CYRIA: variants seen among roughly 807,000 people sequenced by gnomAD.
The protein encoded by CYRIA is CYFIP related Rac1 interactor A, also known as CYFIP-related Rac1 interactor A.
CYRIA carries 15 observed loss-of-function variants against 43.9 expected under a neutral mutation model. The ratio of observed to expected loss-of-function variants is 0.34; its 90% CI spans 0.23 to 0.53. CYRIA has a LOEUF of 0.53. Among genes scored for constraint, CYRIA ranks in the 20% least tolerant of loss-of-function variants. The pLI, the probability that CYRIA is intolerant of heterozygous loss-of-function variation, is 0.94. For missense variants in CYRIA, 236 were observed against 394.2 expected (o/e 0.60, Z 3.40); for synonymous variants, 117 against 136.0 (o/e 0.86, Z 0.97).
chr2:16,600,597 G>A (rs1163302161), intron 2 of CYRIA, among the ~76,000 whole-genome samples: 1 of 152,118 alleles, frequency 6.6e-6, no homozygotes, highest in Non-Finnish European at 1.5e-5. Flanking sequence ...TCACATTCCT[G>A]ATAAATCATA....
intron 2 of CYRIA, among the ~76,000 whole-genome samples, chr2:16,605,403 G>C (rs1036028185): frequency 1.3e-5 from 2 of 152,242 alleles, no homozygotes; most frequent in Non-Finnish European, 2.9e-5. Context: ...CCAGGCCACC[G>C]CTGGGAAGTC....
At chr2:16,574,332 CAG>C (rs1236424083) in intron 3 of CYRIA, among the ~76,000 whole-genome samples, 3 of 152,138 alleles carry the variant, frequency 2.0e-5, no homozygotes, top group African/African-American at 7.2e-5. Flanking sequence ...AAATGGAAAA[CAG>C]AGCATAAAAG....
intron 3 of CYRIA, among the ~76,000 whole-genome samples, chr2:16,566,060 A>T (rs1372755986): frequency 6.6e-6 from 1 of 152,210 alleles, no homozygotes; most frequent in African/African-American, 2.4e-5. Context: ...CTGCTACGTA[A>T]AACAGGGCAC....
At chr2:16,580,893 T>C (rs1461592853) in intron 3 of CYRIA, among the ~76,000 whole-genome samples, 2 of 152,170 alleles carry the variant, frequency 1.3e-5, no homozygotes, top group Admixed American at 6.5e-5. Flanking sequence ...TACTACAATA[T>C]TATGGACTAT....
chr2:16,602,552 G>A (rs1228976813), intron 2 of CYRIA, among the ~76,000 whole-genome samples: 1 of 152,132 alleles, frequency 6.6e-6, no homozygotes, highest in Non-Finnish European at 1.5e-5. Context: ...TCCATGACCA[G>A]GTATAGTAAG....
At chr2:16,624,605 G>GTC (rs374696147) in intron 1 of CYRIA, among the ~76,000 whole-genome samples, 21 of 149,924 alleles carry the variant, frequency 1.4e-4, no homozygotes, top group South Asian at 1.0e-3. Flanking sequence ...GTGGGCCCAG[G>GTC]TCTCTCTCTC....
intron 1 of CYRIA, among the ~76,000 whole-genome samples, chr2:16,661,883 T>C (rs2103560624): frequency 6.6e-6 from 1 of 152,280 alleles, no homozygotes; most frequent in South Asian, 2.1e-4. Flanking sequence ...ATGGGGACAA[T>C]AATACTAATG....
intron 2 of CYRIA, among the ~76,000 whole-genome samples, chr2:16,611,833 G>C (rs1369440541): frequency 1.3e-5 from 2 of 152,194 alleles, no homozygotes; most frequent in African/African-American, 4.8e-5. Flanking sequence ...AGCTGTCACA[G>C]GGTTGGCTTT....
At chr2:16,568,227 G>GA (rs71400699) in intron 3 of CYRIA, among the ~76,000 whole-genome samples, 8,509 of 88,532 alleles carry the variant, frequency 0.096, 338 homozygotes, top group East Asian at 0.18. Flanking sequence ...TTCAAAATCA[G>GA]AAAAAAAAAA....
rs11399188 is a variant in CYRIA, at chr2:16,611,203, C to CAA, written c.-11+12659_-11+12660dup. Among the ~76,000 whole-genome samples the CAA allele has an allele frequency of 4.5e-3, 635 of 140,020 alleles. 5 individuals carry two copies. Among genetic ancestry groups the CAA allele is most frequent in the African/African-American group, 0.013 (512 of 38,406 alleles). The allele number at this position is 140,020 out of a possible 152,430, so 91.9% of individuals were successfully genotyped here. A position where few individuals can be genotyped will look rare whatever the true frequency, so the allele number is the denominator to read the frequency against. ...TGAAACCCTGTCTCTACTAAAAATACAAAAAAAAAAAAATAGCTGGGTGTG... is the reference window on the plus strand; with the variant it reads ...TGAAACCCTGTCTCTACTAAAAATACAAAAAAAAAAAAAAATAGCTGGGTGTG... On this transcript the variant is annotated intron_variant, in intron 2 of 11. Transcript: ENST00000381323.
At chr2:16,663,226 C>G (rs1670308504) in intron 1 of CYRIA, among the ~76,000 whole-genome samples, 1 of 152,116 alleles carries the variant, frequency 6.6e-6, no homozygotes, top group Non-Finnish European at 1.5e-5. Context: ...CTATGCCATC[C>G]TAAAAGAACA....
chr2:16,645,308 G>A (rs1185432588), intron 1 of CYRIA, among the ~76,000 whole-genome samples: 1 of 150,802 alleles, frequency 6.6e-6, no homozygotes, highest in Non-Finnish European at 1.5e-5. Context: ...TAAAACAAAG[G>A]TATGGCATTT....
chr2:16,554,975 G>A, intron 11 of CYRIA, 94 bp downstream of exon 11: 1 of 857,668 alleles, frequency 1.2e-6, no homozygotes, highest in Non-Finnish European at 1.8e-6. Flanking sequence ...ATATGCAAGG[G>A]TTAAGTTTGG....
chr2:16,606,546 T>TAA (rs58851451), intron 2 of CYRIA, among the ~76,000 whole-genome samples: 5 of 134,650 alleles, frequency 3.7e-5, no homozygotes, highest in Admixed American at 7.5e-5. Context: ...ACAATATAAC[T>TAA]AAAAAAAAAA....
chr2:16,654,542 G>A lies in CYRIA; in HGVS notation c.-167+11238C>T, dbSNP rs114746893. Among the ~76,000 whole-genome samples the A allele has an allele frequency of 5.7e-3, 865 of 152,232 alleles. 8 individuals are homozygous for A. Among genetic ancestry groups the A allele is most frequent in the African/African-American group, 0.02 (835 of 41,526 alleles). On this transcript the variant is annotated intron_variant, in intron 1 of 11. Coordinates refer to ENST00000381323, the MANE Select transcript of CYRIA (RefSeq NM_030797.4). ...GGCCTGGAAGCAGTGCGAGCTGTGT[G>A]GTATGGAAACGTGTAGAAGTTTTAG...
In CYRIA at chr2:16,650,675, G is replaced by A. The variant is rs1000291576; in HGVS notation, c.-167+15105C>T. Among the ~76,000 whole-genome samples, 5 of 152,348 alleles carry A rather than the reference G, an allele frequency of 3.3e-5. No individual in the cohort carries two copies. The highest frequency in any genetic ancestry group is 1.2e-4 in the African/African-American group (5 of 41,584). ...CTTCTGAGCTCAACAGACAAGCTCT[G>A]TAGTGGCTCTGTGACAAGTATCTCA... is the stretch of plus-strand genomic sequence containing the variant. On this transcript the variant is annotated intron_variant, in intron 1 of 11. Coordinates refer to ENST00000381323, the MANE Select transcript of CYRIA (RefSeq NM_030797.4). The surrounding 1 kb of genome is among the most constrained non-coding windows in gnomAD (Gnocchi z 4.1).
intron 2 of CYRIA, among the ~76,000 whole-genome samples, chr2:16,615,380 C>G (rs547698360): frequency 6.6e-6 from 1 of 152,332 alleles, no homozygotes; most frequent in East Asian, 1.9e-4. Context: ...GTTTAGTATG[C>G]ATTTGGTTTT....
chr2:16,558,034 A>T (rs1666589343), intron 10 of CYRIA, among the ~76,000 whole-genome samples: 1 of 152,178 alleles, frequency 6.6e-6, no homozygotes, highest in Non-Finnish European at 1.5e-5. Context: ...GTTTCAAAAT[A>T]GCACGTAAAG....
intron 2 of CYRIA, among the ~76,000 whole-genome samples, chr2:16,620,925 T>C (rs940505462): frequency 5.3e-5 from 8 of 152,218 alleles, no homozygotes; most frequent in African/African-American, 1.9e-4. Flanking sequence ...TCTCCAGGAC[T>C]GAGTGCAGAC....
Sources: allele counts gnomAD v4.1 joint callset (sites outside exome capture counted in the v4.1 genomes callset), GRCh38; gene constraint gnomAD v4.1.1; non-coding constraint Gnocchi (gnomAD v3.1); transcripts MANE v1.5; gene names NCBI Gene and HGNC (gene_info 2026-07-23, HGNC 2026-07-21).